RBMS3: variants seen among roughly 807,000 people sequenced by gnomAD.
RBMS3 encodes the protein RNA-binding motif, single-stranded-interacting protein 3.
A neutral mutation model predicts 66.8 loss-of-function variants in RBMS3; 27 were observed. That is an observed-to-expected ratio of 0.40 (90% CI 0.30 to 0.56). The LOEUF (loss-of-function observed/expected upper bound fraction) is 0.56. RBMS3 is among the 20% of genes least tolerant of loss of function. The pLI, the probability that RBMS3 is intolerant of heterozygous loss-of-function variation, is 0.40. For missense variants in RBMS3, 513 were observed against 549.5 expected (o/e 0.93, Z 0.66); for synonymous variants, 188 against 183.0 (o/e 1.03, Z -0.22).
intron 4 of RBMS3, among the ~76,000 whole-genome samples, chr3:29,735,994 C>T (rs1032053924): frequency 5.3e-5 from 8 of 152,056 alleles, no homozygotes; most frequent in Admixed American, 2.0e-4. Flanking sequence ...TTGTGAAAAA[C>T]TTTTCCGGAA....
At chr3:29,442,875 A>G (rs552436285) in intron 2 of RBMS3, among the ~76,000 whole-genome samples, 2 of 151,812 alleles carry the variant, frequency 1.3e-5, no homozygotes, top group Admixed American at 1.3e-4. Context: ...TATTCTTTCT[A>G]CTTTCTCTTC....
intron 1 of RBMS3, among the ~76,000 whole-genome samples, chr3:29,336,961 A>G (rs1003070092): frequency 6.6e-6 from 1 of 152,172 alleles, no homozygotes; most frequent in Non-Finnish European, 1.5e-5. Context: ...GGTCTTTTAA[A>G]GTATACAGTT....
intron 4 of RBMS3, among the ~76,000 whole-genome samples, chr3:29,702,672 C>G (rs1037279846): frequency 6.6e-6 from 1 of 151,862 alleles, no homozygotes; most frequent in African/African-American, 2.4e-5. Context: ...GAGGAATGAA[C>G]AACTCTGGAT....
At chr3:29,904,067 G>C (rs2060318274) in intron 10 of RBMS3, among the ~76,000 whole-genome samples, 1 of 151,834 alleles carries the variant, frequency 6.6e-6, no homozygotes, top group Non-Finnish European at 1.5e-5. Context: ...GTTTTGAGAA[G>C]GCATTATCAC....
intron 12 of RBMS3, among the ~76,000 whole-genome samples, chr3:29,972,788 G>A (rs1194786443): frequency 6.6e-6 from 1 of 152,050 alleles, no homozygotes; most frequent in Non-Finnish European, 1.5e-5. Flanking sequence ...GTTTGAATAA[G>A]TTCCCTTTCT....
At position 29,619,327 on chromosome 3, in the gene RBMS3, GCAAA is replaced by G. The variant is rs375503982; in HGVS notation, c.399+32127_399+32130del. Reference sequence around the variant, plus strand: ...TTTAGTTTAAAAAAAGAACAAAAATGCAAACAAAGAAAAACTCCTTTAAAATTTG... The same window carrying G: ...TTTAGTTTAAAAAAAGAACAAAAATGCAAAGAAAAACTCCTTTAAAATTTG... On this transcript the variant is annotated intron_variant, in intron 4 of 14. Coordinates refer to ENST00000383767, the MANE Select transcript of RBMS3 (RefSeq NM_001003793.3). Among the ~76,000 whole-genome samples the G allele has an allele frequency of 3.1e-3, 465 of 150,834 alleles. 7 individuals are homozygous for G. The highest frequency in any genetic ancestry group is 0.011 in the African/African-American group (448 of 41,142).
chr3:29,609,380 G>A (rs148883073), intron 4 of RBMS3, among the ~76,000 whole-genome samples: 28 of 152,000 alleles, frequency 1.8e-4, no homozygotes, highest in African/African-American at 6.3e-4. Context: ...GGTCCTGGGT[G>A]CCCTCTTATC....
At chr3:29,935,413 A>G (rs2061241089) in intron 10 of RBMS3, among the ~76,000 whole-genome samples, 1 of 152,150 alleles carries the variant, frequency 6.6e-6, no homozygotes, top group Non-Finnish European at 1.5e-5. Flanking sequence ...TTAAAAAAAA[A>G]TTGTGGATGG....
intron 12 of RBMS3, among the ~76,000 whole-genome samples, chr3:29,964,295 G>T (rs1297116057): frequency 1.3e-5 from 2 of 150,378 alleles, no homozygotes; most frequent in Non-Finnish European, 3.0e-5. Flanking sequence ...ATTAACAGAA[G>T]AATTAAATGA....
chr3:29,778,924 GAAA>G (rs1204895506), intron 6 of RBMS3, among the ~76,000 whole-genome samples: 1 of 151,846 alleles, frequency 6.6e-6, no homozygotes, highest in Non-Finnish European at 1.5e-5. Context: ...ATATCAGCAA[GAAA>G]TTGAGTGTCA....
intron 1 of RBMS3, among the ~76,000 whole-genome samples, chr3:29,418,428 A>G (rs2040567440): frequency 6.6e-6 from 1 of 152,192 alleles, no homozygotes; most frequent in African/African-American, 2.4e-5. Context: ...GCTAAATGAA[A>G]TTAATGACCA....
chr3:29,459,173 T>G (rs144153225), intron 2 of RBMS3, among the ~76,000 whole-genome samples: 69 of 152,324 alleles, frequency 4.5e-4, no homozygotes, highest in African/African-American at 1.6e-3. Flanking sequence ...CCAAGATTCA[T>G]TGATAAACAT....
intron 1 of RBMS3, among the ~76,000 whole-genome samples, chr3:29,358,611 C>T (rs2037371613): frequency 6.6e-6 from 1 of 152,122 alleles, no homozygotes; most frequent in Admixed American, 6.5e-5. Flanking sequence ...ATGGGGATGG[C>T]ATTGAATCTA....
At chr3:29,804,174 G>A (rs2057472644) in intron 6 of RBMS3, among the ~76,000 whole-genome samples, 1 of 151,982 alleles carries the variant, frequency 6.6e-6, no homozygotes, top group African/African-American at 2.4e-5. Flanking sequence ...GAAATTATTT[G>A]TGTTCTTTTT....
At chr3:29,758,470 C>T (rs2055521305) in intron 5 of RBMS3, among the ~76,000 whole-genome samples, 1 of 152,112 alleles carries the variant, frequency 6.6e-6, no homozygotes, top group Admixed American at 6.6e-5. Context: ...TTTCATTAGT[C>T]AAATATTGTC....
chr3:29,881,851 T>C (rs2149575078), intron 7 of RBMS3, among the ~76,000 whole-genome samples: 1 of 152,258 alleles, frequency 6.6e-6, no homozygotes, highest in Admixed American at 6.5e-5. Flanking sequence ...TAGATAGCAT[T>C]GGTCTCTTTG....
intron 14 of RBMS3, among the ~76,000 whole-genome samples, chr3:29,999,793 G>A (rs1350522260): frequency 6.6e-6 from 1 of 152,006 alleles, no homozygotes; most frequent in Non-Finnish European, 1.5e-5. Context: ...AACATTAGGA[G>A]ATATACCTAA....
intron 6 of RBMS3, among the ~76,000 whole-genome samples, chr3:29,834,329 T>C (rs1400260483): frequency 6.6e-6 from 1 of 152,096 alleles, no homozygotes; most frequent in Non-Finnish European, 1.5e-5. Flanking sequence ...AGTGTGTTAA[T>C]TACTTATGAC....
At chr3:30,003,523 G>C (rs1406700450) in intron 14 of RBMS3, among the ~76,000 whole-genome samples, 3 of 151,978 alleles carry the variant, frequency 2.0e-5, no homozygotes, top group Admixed American at 6.6e-5. Context: ...TGGGTGCATA[G>C]TAAAGAATCT....
Sources: allele counts gnomAD v4.1 joint callset (sites outside exome capture counted in the v4.1 genomes callset), GRCh38; gene constraint gnomAD v4.1.1; transcripts MANE v1.5; gene names NCBI Gene and HGNC (gene_info 2026-07-23, HGNC 2026-07-21).